Variants in SSH2 observed in about 807,000 individuals in gnomAD.
SSH2 encodes the protein slingshot protein phosphatase 2.
SSH2 carries 37 observed loss-of-function variants against 135.2 expected under a neutral mutation model. The observed-to-expected ratio is 0.27, with a 90% CI of 0.21 to 0.36. The LOEUF (loss-of-function observed/expected upper bound fraction) is 0.36, where lower values mean the gene tolerates loss of function less well. Ranked by LOEUF, SSH2 falls within the 10% of genes least tolerant of loss-of-function variation. SSH2 has a pLI of 1.00. For missense variants in SSH2, 1,408 were observed against 1,765.3 expected, an observed-to-expected ratio of 0.80 and a Z score of 3.63; for synonymous variants, 628 against 646.2, an observed-to-expected ratio of 0.97 and a Z score of 0.43.
intron 4 of SSH2, among the ~76,000 whole-genome samples, chr17:29,701,484 A>T (rs1236423810): frequency 6.8e-6 from 1 of 147,298 alleles, no homozygotes; most frequent in African/African-American, 2.5e-5. Context: ...AAGAGGGCTA[A>T]CTGCAGTCTC....
At chr17:29,684,509 T>C in intron 6 of SSH2, 54 bp downstream of exon 6, 1 of 1,365,196 alleles carries the variant, frequency 7.3e-7, no homozygotes, top group African/African-American at 1.5e-5. Context: ...AAAAAGCAAC[T>C]GGAACAGGTT....
At chr17:29,882,253 A>G (rs1011426779) in intron 1 of SSH2, among the ~76,000 whole-genome samples, 1 of 152,212 alleles carries the variant, frequency 6.6e-6, no homozygotes. Context: ...TCAAAAACTC[A>G]CAGCCTTTTC....
intron 1 of SSH2, among the ~76,000 whole-genome samples, chr17:29,877,045 T>C (rs2066046877): frequency 6.6e-6 from 1 of 151,960 alleles, no homozygotes; most frequent in African/African-American, 2.4e-5. Flanking sequence ...AATAATCCAA[T>C]TAAAAAATGG....
intron 3 of SSH2, among the ~76,000 whole-genome samples, chr17:29,767,423 A>C (rs1476640492): frequency 1.3e-5 from 2 of 150,662 alleles, no homozygotes; most frequent in East Asian, 3.9e-4. Flanking sequence ...TATTTTTTAA[A>C]CTAGTTTTTT....
chr17:29,728,938 A>C (rs1055966704), intron 3 of SSH2, among the ~76,000 whole-genome samples: 1 of 152,210 alleles, frequency 6.6e-6, no homozygotes, highest in Non-Finnish European at 1.5e-5. Context: ...CAAACTATGA[A>C]ACCACTACAA....
chr17:29,838,667 C>T (rs906745821), intron 2 of SSH2, among the ~76,000 whole-genome samples: 2 of 152,102 alleles, frequency 1.3e-5, no homozygotes, highest in East Asian at 1.9e-4. Context: ...GAACACTCAT[C>T]GGGATGACCT....
chr17:29,635,466 A>G lies in SSH2; in HGVS notation c.2262+502T>C, dbSNP rs372438028. Among the ~76,000 whole-genome samples, 1,101 of 151,834 alleles carry G rather than the reference A, an allele frequency of 7.3e-3. 9 individuals are homozygous for G. The highest frequency in any genetic ancestry group is 0.032 in the South Asian group (154 of 4,794). ...GTCGCCCAGGCTGGAGTGCAGTGGC[A>G]CAATCTCGGCTCACTGCAAGCTCCG... is the stretch of plus-strand genomic sequence containing the variant. On this transcript the variant is annotated intron_variant, in intron 15 of 15. Coordinates refer to ENST00000540801, the MANE Select transcript of SSH2 (RefSeq NM_001282129.2).
intron 12 of SSH2, among the ~76,000 whole-genome samples, chr17:29,651,230 T>G (rs1156382471): frequency 1.3e-5 from 2 of 152,236 alleles, no homozygotes; most frequent in Non-Finnish European, 2.9e-5. Context: ...ACTACTGACA[T>G]GTACCCCAAG....
At position 29,872,823 on chromosome 17, in the gene SSH2, C is replaced by T. The variant is rs188012981; in HGVS notation, c.64-23894G>A. On this transcript the variant is annotated intron_variant, in intron 1 of 15. Transcript: ENST00000540801. ...CCAGCCTGGACAGCATGGTGAAACC[C>T]CATCTCTACTAAAAACACAAACATT... is the stretch of plus-strand genomic sequence containing the variant. Among the ~76,000 whole-genome samples, 662 of 151,978 alleles carry T rather than the reference C, an allele frequency of 4.4e-3. 5 individuals carry two copies. The highest frequency in any genetic ancestry group is 0.015 in the African/African-American group (622 of 41,452).
chr17:29,847,283 A>C (rs2151385077), intron 2 of SSH2, among the ~76,000 whole-genome samples: 1 of 152,290 alleles, frequency 6.6e-6, no homozygotes, highest in South Asian at 2.1e-4. Flanking sequence ...ACACCTTAAA[A>C]AAAATCAGGT....
At chr17:29,858,293 A>G (rs971489790) in intron 1 of SSH2, among the ~76,000 whole-genome samples, 2 of 152,230 alleles carry the variant, frequency 1.3e-5, no homozygotes, top group African/African-American at 4.8e-5. Flanking sequence ...TAAACAACAT[A>G]CATTTATTAT....
intron 2 of SSH2, among the ~76,000 whole-genome samples, chr17:29,797,181 G>A (rs977355290): frequency 4.6e-5 from 7 of 151,460 alleles, no homozygotes; most frequent in Non-Finnish European, 7.4e-5. Context: ...TCTTAAGTGC[G>A]CCATTTAATG....
chr17:29,794,731 G>T (rs1357261013), intron 2 of SSH2, among the ~76,000 whole-genome samples: 1 of 152,148 alleles, frequency 6.6e-6, no homozygotes, highest in Non-Finnish European at 1.5e-5. Flanking sequence ...TACAGATGAA[G>T]AAGCAAAAGG....
At chr17:29,653,993 A>G (rs1387778191) in intron 12 of SSH2, among the ~76,000 whole-genome samples, 1 of 152,206 alleles carries the variant, frequency 6.6e-6, no homozygotes, top group Non-Finnish European at 1.5e-5. Flanking sequence ...AGCAGATGCA[A>G]TGTTATTAAT....
chr17:29,707,781 C>T lies in SSH2; in HGVS notation c.189-4719G>A, dbSNP rs532529853. On this transcript the variant is annotated intron_variant, in intron 3 of 15. Transcript: ENST00000540801. ...TCTTAAGTGATCCGCCCGCCTTGGC[C>T]TCCCAAAGTGCTGGGATTACAGGTG... Among the ~76,000 whole-genome samples, 336 of 152,244 alleles carry T rather than the reference C, an allele frequency of 2.2e-3. 1 individual carries two copies. The highest frequency in any genetic ancestry group is 8.0e-3 in the African/African-American group (331 of 41,534).
chr17:29,827,621 A>C (rs547342079), intron 2 of SSH2, among the ~76,000 whole-genome samples: 96 of 152,310 alleles, frequency 6.3e-4, no homozygotes, highest in African/African-American at 2.1e-3. Context: ...ACTTGGCTAA[A>C]CACATTTCCA....
intron 14 of SSH2, among the ~76,000 whole-genome samples, chr17:29,637,751 A>T (rs1252993909): frequency 6.6e-6 from 1 of 152,062 alleles, no homozygotes; most frequent in Non-Finnish European, 1.5e-5. Flanking sequence ...CACTGCACCC[A>T]GCCTGGGTGA....
At chr17:29,927,895 G>C (rs1449247904) in intron 1 of SSH2, among the ~76,000 whole-genome samples, 1 of 150,988 alleles carries the variant, frequency 6.6e-6, no homozygotes, top group Non-Finnish European at 1.5e-5. Flanking sequence ...CTTATTACAT[G>C]ATCAATTTAA....
chr17:29,845,919 C>T (rs754373726), intron 2 of SSH2, among the ~76,000 whole-genome samples: 15 of 152,188 alleles, frequency 9.9e-5, no homozygotes, highest in African/African-American at 2.9e-4. Flanking sequence ...TTTCCCCACG[C>T]GTCCAACTTC....
Sources: gnomAD v4.1 joint callset for allele counts (sites outside exome capture counted in the v4.1 genomes callset) on GRCh38, gnomAD v4.1.1 for gene constraint, MANE v1.5 for transcripts, NCBI Gene and HGNC (gene_info 2026-07-23, HGNC 2026-07-21) for gene names.